Variants in BCAS3 observed in about 807,000 individuals in gnomAD.
The protein encoded by BCAS3 is BCAS3 microtubule associated cell migration factor, also known as BCAS4/BCAS3 fusion.
In BCAS3, 53 loss-of-function variants were observed where a neutral mutation model predicts 116.1. The observed-to-expected ratio is 0.46, with a 90% CI of 0.37 to 0.57. The LOEUF (loss-of-function observed/expected upper bound fraction) is 0.57, where lower values mean the gene tolerates loss of function less well. Ranked by LOEUF, BCAS3 falls within the 20% of genes least tolerant of loss-of-function variation. The probability of loss-of-function intolerance (pLI) is 0.00; values close to 1 mark genes in which losing one functional copy is unlikely to be tolerated. For synonymous variants in BCAS3, 391 were observed against 408.2 expected, an observed-to-expected ratio of 0.96 and a Z score of 0.51; for missense variants, 917 against 1,165.4, an observed-to-expected ratio of 0.79 and a Z score of 3.10.
At chr17:60,842,683 T>C (rs1045626513) in intron 7 of BCAS3, among the ~76,000 whole-genome samples, 2 of 152,112 alleles carry the variant, frequency 1.3e-5, no homozygotes, top group Non-Finnish European at 1.5e-5. Flanking sequence ...TGCTTACTCC[T>C]GAGTGTGCTA....
intron 22 of BCAS3, among the ~76,000 whole-genome samples, chr17:61,236,497 T>C (rs1568635224): frequency 6.6e-6 from 1 of 152,098 alleles, no homozygotes; most frequent in East Asian, 1.9e-4. Flanking sequence ...TTTTTTTGTA[T>C]TTTTAGTAGA....
chr17:61,292,449 C>T (rs1205325269), intron 22 of BCAS3, among the ~76,000 whole-genome samples: 1 of 151,998 alleles, frequency 6.6e-6, no homozygotes, highest in Non-Finnish European at 1.5e-5. Context: ...CTCAGGAATT[C>T]GAGACTAGCC....
intron 7 of BCAS3, among the ~76,000 whole-genome samples, chr17:60,852,426 A>T (rs1339593177): frequency 6.6e-6 from 1 of 152,182 alleles, no homozygotes; most frequent in Non-Finnish European, 1.5e-5. Flanking sequence ...AATTGGTGGG[A>T]TGTGTGTAAC....
chr17:60,815,283 G>T (rs151244861), intron 7 of BCAS3, among the ~76,000 whole-genome samples: 1 of 152,132 alleles, frequency 6.6e-6, no homozygotes, highest in East Asian at 1.9e-4. Flanking sequence ...ATCACACACC[G>T]GGGCCTGTCA....
In BCAS3 at chr17:61,037,871, C is replaced by A. The variant is rs764209341; in HGVS notation, c.1763-18C>A. On this transcript the variant is annotated intron_variant, in intron 17 of 23. Coordinates refer to ENST00000407086, the MANE Select transcript of BCAS3 (RefSeq NM_017679.5). The surrounding 1 kb of genome is among the most constrained non-coding windows in gnomAD (Gnocchi z 4.7). ...TTATGCCATCATAACACATCGGGTT[C>A]TGTTTCTCTGTTTGTAGATCAGTCC... is the stretch of plus-strand genomic sequence containing the variant. 9.3e-6 allele frequency: 15 copies of A among 1,609,612 alleles called. No individual in the cohort carries two copies. The South Asian group carries it at 1.7e-4, about 18-fold the overall frequency.
In BCAS3 at chr17:60,821,621, C is replaced by G. The variant is rs1360512039; in HGVS notation, c.476+13545C>G. The G allele has an allele frequency of 3.9e-5, 6 of 151,970 alleles. No individual in the cohort carries two copies. The East Asian group carries it at 1.2e-3, about 29-fold the overall frequency. 9.4% of individuals were successfully genotyped at this position (151,970 alleles called of 1,614,324 possible). A position where few individuals can be genotyped will look rare whatever the true frequency, so the allele number is the denominator to read the frequency against. On this transcript the variant is annotated intron_variant, in intron 7 of 23. Transcript: ENST00000407086. ...TAAGTGGAATCATATAGTATGTACTCTTTTTTTGTCTAGCTTTGGTTACTC... is the reference window on the plus strand; with the variant it reads ...TAAGTGGAATCATATAGTATGTACTGTTTTTTTGTCTAGCTTTGGTTACTC...
At chr17:61,096,210 G>T (rs2073960142) in intron 22 of BCAS3, among the ~76,000 whole-genome samples, 1 of 152,102 alleles carries the variant, frequency 6.6e-6, no homozygotes, top group Admixed American at 6.6e-5. Flanking sequence ...AAGTTTCAAT[G>T]TAGAAGTCTT....
intron 15 of BCAS3, among the ~76,000 whole-genome samples, chr17:60,997,094 G>A (rs1405829482): frequency 6.6e-6 from 1 of 152,146 alleles, no homozygotes; most frequent in African/African-American, 2.4e-5. Flanking sequence ...CTCATAAGGA[G>A]TGTGCAACCT....
chr17:61,074,973 T>A lies in BCAS3; in HGVS notation c.2083T>A (p.Leu695Ile), dbSNP rs371497811. The change falls in exon 20 of 24, where the codon TTA becomes ATA. Residue 695 changes from leucine (L) to isoleucine (I), a missense_variant. Coordinates refer to ENST00000407086, the MANE Select transcript of BCAS3 (RefSeq NM_017679.5). ...TACTCGACATGGGTCTTACGACAGTTTAGCTTCTGACCATAGTGGACAGGA... is the reference window on the plus strand; with the variant it reads ...TACTCGACATGGGTCTTACGACAGTATAGCTTCTGACCATAGTGGACAGGA... ...PITRHGSYDS[L>I]ASDHSGQEDE... The A allele has an allele frequency of 3.1e-6, 5 of 1,613,636 alleles. No individual in the cohort carries two copies. In the African/African-American group the frequency reaches 5.3e-5, roughly 17 times the overall value.
intron 19 of BCAS3, among the ~76,000 whole-genome samples, chr17:61,053,097 G>T (rs1453604252): frequency 6.6e-6 from 1 of 151,992 alleles, no homozygotes; most frequent in African/African-American, 2.4e-5. Context: ...CTAATCTCTT[G>T]GCCTTCACTT....
chr17:61,044,216 G>A (rs1453118582), intron 19 of BCAS3, among the ~76,000 whole-genome samples: 1 of 151,790 alleles, frequency 6.6e-6, no homozygotes, highest in African/African-American at 2.4e-5. Flanking sequence ...CGGAGACCAA[G>A]GCCGGCAGAT....
chr17:60,878,659 C>T (rs2055842214), intron 9 of BCAS3, among the ~76,000 whole-genome samples: 4 of 152,088 alleles, frequency 2.6e-5, no homozygotes, highest in Admixed American at 2.6e-4. Context: ...ATACCCTTAC[C>T]AATAGTGGTA....
chr17:61,191,916 G>T (rs980263729), intron 22 of BCAS3, among the ~76,000 whole-genome samples: 1 of 152,018 alleles, frequency 6.6e-6, no homozygotes, highest in African/African-American at 2.4e-5. Context: ...AAGCACATAG[G>T]TAGAAAAATG....
intron 22 of BCAS3, among the ~76,000 whole-genome samples, chr17:61,290,265 T>C (rs1568765995): frequency 6.6e-6 from 1 of 152,188 alleles, no homozygotes; most frequent in East Asian, 1.9e-4. Flanking sequence ...GTGGGAGTTT[T>C]CTCAAACTAA....
intron 19 of BCAS3, among the ~76,000 whole-genome samples, chr17:61,067,273 G>GTGTGTGTA (rs1251223420): frequency 8.8e-4 from 52 of 58,790 alleles, no homozygotes; most frequent in African/African-American, 4.3e-3. Flanking sequence ...GTGTGTATGT[G>GTGTGTGTA]TATATATATA....
chr17:61,170,597 G>A (rs1306769952), intron 22 of BCAS3, among the ~76,000 whole-genome samples: 3 of 151,972 alleles, frequency 2.0e-5, no homozygotes, highest in Admixed American at 1.3e-4. Context: ...TGGCCGATAC[G>A]ATGTAATGGT....
chr17:61,003,853 A>C (rs879469538), intron 15 of BCAS3: 10 of 152,154 alleles, frequency 6.6e-5, no homozygotes, highest in East Asian at 1.9e-4. Flanking sequence ...GAATGTGGGA[A>C]GGGCATACCG....
chr17:61,222,932 G>C lies in BCAS3; in HGVS notation c.2425+138368G>C, dbSNP rs1456250143. ...TAATTTGTTTGCTGTTTAGGAGCCAGCCCTTCAGCTTCCTTTCAGTGATAG... is the reference window on the plus strand; with the variant it reads ...TAATTTGTTTGCTGTTTAGGAGCCACCCCTTCAGCTTCCTTTCAGTGATAG... On this transcript the variant is annotated intron_variant, in intron 22 of 23. Coordinates refer to ENST00000407086, the MANE Select transcript of BCAS3 (RefSeq NM_017679.5). This position sits in a 1 kb window ranked among gnomAD's most constrained non-coding sequence, Gnocchi z 6.1. 6.6e-6 allele frequency among the ~76,000 whole-genome samples: 1 copy of C among 152,130 alleles called. No individual in the cohort carries two copies. The highest frequency in any genetic ancestry group is 1.5e-5 in the Non-Finnish European group (1 of 68,030).
At chr17:61,147,011 C>T (rs746781014) in intron 22 of BCAS3, among the ~76,000 whole-genome samples, 247 of 151,836 alleles carry the variant, frequency 1.6e-3, no homozygotes, top group Non-Finnish European at 3.0e-3. Context: ...ACCTCCCAGG[C>T]TCAAGCAACC....
Sources: allele counts gnomAD v4.1 joint callset (sites outside exome capture counted in the v4.1 genomes callset), GRCh38; gene constraint gnomAD v4.1.1; non-coding constraint Gnocchi (gnomAD v3.1); transcripts MANE v1.5; gene names NCBI Gene and HGNC (gene_info 2026-07-23, HGNC 2026-07-21).